The following PPEF1 variants were observed in gnomAD, a reference collection of about 807,000 sequenced individuals.
PPEF1 encodes serine/threonine-protein phosphatase with EF-hands 1.
Under a neutral mutation model 53.3 loss-of-function variants are expected in PPEF1, and 12 were observed. The observed-to-expected ratio is 0.23, with a 90% CI of 0.14 to 0.36. PPEF1 has a LOEUF of 0.36. Ranked by LOEUF, PPEF1 falls within the 10% of genes least tolerant of loss-of-function variation. The probability of loss-of-function intolerance (pLI) is 1.00; values close to 1 mark genes in which losing one functional copy is unlikely to be tolerated. For synonymous variants in PPEF1, 165 were observed against 176.7 expected, an observed-to-expected ratio of 0.93 and a Z score of 0.52; for missense variants, 334 against 490.4, an observed-to-expected ratio of 0.68 and a Z score of 3.01.
At chrX:18,788,042 T>C (rs113961679) in intron 9 of PPEF1, among the ~76,000 whole-genome samples, 1,545 of 111,426 alleles carry the variant, frequency 0.014, 31 homozygotes, top group African/African-American at 0.044. Context: ...CTTGGCCGGG[T>C]GCAGTGGCTC....
intron 6 of PPEF1, among the ~76,000 whole-genome samples, chrX:18,767,890 C>T (rs1411033839): frequency 9.0e-6 from 1 of 111,311 alleles, no homozygotes; most frequent in Non-Finnish European, 1.9e-5. Flanking sequence ...GTTGCCTGCT[C>T]AGATTACAGG....
At chrX:18,676,056 G>A (rs1423997310) in exon 1 of PPEF1, 1 of 107,617 alleles carries the variant, frequency 9.3e-6, no homozygotes, top group Non-Finnish European at 1.9e-5. Flanking sequence ...AGGTTGATAA[G>A]TGATACTGAT....
intron 6 of PPEF1, among the ~76,000 whole-genome samples, chrX:18,765,610 AAG>A (rs1833410252): frequency 9.3e-6 from 1 of 108,049 alleles, no homozygotes; most frequent in South Asian, 3.7e-4. Context: ...TTTTTTAAAA[AAG>A]AAGAAAATAG....
chrX:18,753,283 A>G (rs1478001445), intron 4 of PPEF1, among the ~76,000 whole-genome samples: 2 of 111,721 alleles, frequency 1.8e-5, no homozygotes, highest in Non-Finnish European at 3.8e-5. Flanking sequence ...TTGTTGGTGT[A>G]CAATTGTTCA....
At position 18,707,652 on chromosome X, in the gene PPEF1, T is replaced by C; in HGVS notation, c.-129T>C. On this transcript the variant is annotated 5_prime_UTR_variant, in exon 1 of 16. Coordinates refer to ENST00000470157, the MANE Select transcript of PPEF1 (RefSeq NM_001377996.1). Reference sequence around the variant, plus strand: ...TCCTTCCCTCCCTCCTGTGTATTCCTCATTAGAATCTATGACTGAAGAGGA... The same window carrying C: ...TCCTTCCCTCCCTCCTGTGTATTCCCCATTAGAATCTATGACTGAAGAGGA... 1 of 568,049 alleles carries C rather than the reference T, an allele frequency of 1.8e-6. No homozygotes were observed. Among genetic ancestry groups the C allele is most frequent in the Non-Finnish European group, 2.9e-6 (1 of 344,815 alleles). 46.8% of individuals were successfully genotyped at this position (568,049 alleles called of 1,213,427 possible).
At chrX:18,721,096 T>C (rs2044580629) in intron 1 of PPEF1, among the ~76,000 whole-genome samples, 1 of 111,851 alleles carries the variant, frequency 8.9e-6, no homozygotes, top group Non-Finnish European at 1.9e-5. Flanking sequence ...TACTGCGTGG[T>C]GGTGAAGTCT....
At chrX:18,814,088 T>A (rs768813663) in intron 12 of PPEF1, among the ~76,000 whole-genome samples, 13 of 111,595 alleles carry the variant, frequency 1.2e-4, no homozygotes, top group Non-Finnish European at 2.3e-4. Context: ...AGTGAGAACA[T>A]ATGGCATTTG....
chrX:18,779,285 G>A, intron 7 of PPEF1, 109 bp downstream of exon 7: 1 of 754,402 alleles, frequency 1.3e-6, no homozygotes, highest in Non-Finnish European at 1.9e-6. Flanking sequence ...AGAGGGATGA[G>A]GGGGATCTCA....
intron 12 of PPEF1, among the ~76,000 whole-genome samples, chrX:18,814,711 GT>G (rs1395197493): frequency 9.0e-6 from 1 of 111,487 alleles, no homozygotes; most frequent in African/African-American, 3.3e-5. Context: ...TTGTTGAATA[GT>G]TTAAGTTCCT....
intron 3 of PPEF1, among the ~76,000 whole-genome samples, chrX:18,736,231 T>G: frequency 9.0e-6 from 1 of 111,630 alleles, no homozygotes; most frequent in Non-Finnish European, 1.9e-5. Context: ...ATGCTTCCAG[T>G]TTTTGTCCAT....
intron 7 of PPEF1, among the ~76,000 whole-genome samples, chrX:18,780,346 G>C (rs769905912): frequency 8.9e-6 from 1 of 112,293 alleles, no homozygotes; most frequent in South Asian, 3.7e-4. Context: ...GGGAAACAGT[G>C]TTCCACAGTG....
chrX:18,811,207 C>T (rs1397060151), intron 12 of PPEF1, among the ~76,000 whole-genome samples: 1 of 111,544 alleles, frequency 9.0e-6, no homozygotes, highest in African/African-American at 3.3e-5. Context: ...CATGCGCCAC[C>T]ATGCCCAGCT....
At chrX:18,710,505 G>A (rs1046921532) in intron 1 of PPEF1, among the ~76,000 whole-genome samples, 3 of 111,792 alleles carry the variant, frequency 2.7e-5, no homozygotes, top group Non-Finnish European at 5.6e-5. Flanking sequence ...CCATTAAAAA[G>A]TGGGCAAAGG....
chrX:18,701,159 TAAA>T (rs927636371), intron 6 of PPEF1, among the ~76,000 whole-genome samples: 16 of 112,227 alleles, frequency 1.4e-4, no homozygotes, highest in Admixed American at 3.8e-4. Flanking sequence ...CTATGCTGGG[TAAA>T]TAGTAGTCCC....
chrX:18,784,111 AT>A, intron 9 of PPEF1, 63 bp downstream of exon 9: 1 of 969,577 alleles, frequency 1.0e-6, no homozygotes, highest in Non-Finnish European at 1.4e-6. Flanking sequence ...ATACCTCTTC[AT>A]TTATTATTTT....
At chrX:18,801,800 C>T (rs151135686) in intron 10 of PPEF1, among the ~76,000 whole-genome samples, 3,195 of 109,726 alleles carry the variant, frequency 0.029, 109 homozygotes, top group African/African-American at 0.1. Flanking sequence ...CTGGCCAACA[C>T]GGTAAAACCC....
upstream of PPEF1, among the ~76,000 whole-genome samples, chrX:18,680,429 C>CT (rs769412688): frequency 0.018 from 1,377 of 78,615 alleles, 73 homozygotes; most frequent in African/African-American, 0.057. Flanking sequence ...AATTTCTTCT[C>CT]TTTTTTTTTT....
In PPEF1 at chrX:18,754,830, G is replaced by T. The variant is rs1181392814; in HGVS notation, c.397-2797G>T. 2.7e-5 allele frequency among the ~76,000 whole-genome samples: 3 copies of T among 111,515 alleles called. No homozygotes were observed. In the East Asian group the frequency reaches 8.5e-4, roughly 32 times the overall value. On this transcript the variant is annotated intron_variant, in intron 4 of 15. Transcript: ENST00000470157. ...TGCCCAGGCTGGTCTCGAACTCCTG[G>T]CCTCAAGTGATCCTCCCACTTCGGC... is the stretch of plus-strand genomic sequence containing the variant.
chrX:18,777,589 C>T (rs2045993747), intron 6 of PPEF1, among the ~76,000 whole-genome samples: 1 of 105,915 alleles, frequency 9.4e-6, no homozygotes, highest in South Asian at 4.1e-4. Flanking sequence ...GTGCGATCTC[C>T]GCTCACTGCC....
Sources: gnomAD v4.1 joint callset for allele counts (sites outside exome capture counted in the v4.1 genomes callset) on GRCh38, gnomAD v4.1.1 for gene constraint, MANE v1.5 for transcripts, NCBI Gene and HGNC (gene_info 2026-07-23, HGNC 2026-07-21) for gene names.